Variants in PDIA5 observed in about 807,000 individuals in gnomAD.
The protein encoded by PDIA5 is protein disulfide isomerase family A member 5, also known as protein disulfide-isomerase A5.
In PDIA5, 58 loss-of-function variants were observed where a neutral mutation model predicts 77.6. The observed-to-expected ratio is 0.75, with a 90% CI of 0.61 to 0.93. The LOEUF is 0.93. PDIA5 is among the 40% of genes least tolerant of loss of function. PDIA5 has a pLI of 0.00. For synonymous variants in PDIA5, 250 were observed against 252.1 expected, an observed-to-expected ratio of 0.99 and a Z score of 0.08; for missense variants, 630 against 647.7, an observed-to-expected ratio of 0.97 and a Z score of 0.30.
intron 1 of PDIA5, among the ~76,000 whole-genome samples, chr3:123,068,131 C>CT (rs990179954): frequency 2.6e-5 from 4 of 152,146 alleles, no homozygotes; most frequent in African/African-American, 9.7e-5. Context: ...TTTTCCATAA[C>CT]TTATGCGCTC....
chr3:123,102,727 C>G (rs761014503), intron 4 of PDIA5, 24 bp from the exon 5 acceptor site: 1 of 1,579,132 alleles, frequency 6.3e-7, no homozygotes, highest in South Asian at 1.1e-5. Flanking sequence ...TTAAAGTTAA[C>G]ACATTTTTCT....
intron 15 of PDIA5, among the ~76,000 whole-genome samples, chr3:123,157,980 G>T (rs1355208554): frequency 6.6e-6 from 1 of 152,200 alleles, no homozygotes; most frequent in African/African-American, 2.4e-5. Flanking sequence ...GGCAGTGGGG[G>T]CCCCACCTCT....
chr3:123,084,053 T>A (rs1043768047), intron 1 of PDIA5, among the ~76,000 whole-genome samples: 10 of 152,042 alleles, frequency 6.6e-5, no homozygotes, highest in African/African-American at 2.4e-4. Context: ...GTGTCTTAGC[T>A]CTTTGGACCC....
chr3:123,095,504 C>A (rs1407925617), intron 3 of PDIA5, among the ~76,000 whole-genome samples: 1 of 152,122 alleles, frequency 6.6e-6, no homozygotes, highest in Non-Finnish European at 1.5e-5. Context: ...AATCCCAGCA[C>A]TTTGGGAAGC....
At chr3:123,087,956 A>T (rs996260179) in intron 1 of PDIA5, among the ~76,000 whole-genome samples, 7 of 152,168 alleles carry the variant, frequency 4.6e-5, no homozygotes, top group African/African-American at 1.7e-4. Context: ...GGGGAATAAG[A>T]CTGGCAGGTG....
chr3:123,114,248 C>T (rs527240635), intron 7 of PDIA5, among the ~76,000 whole-genome samples: 8 of 152,352 alleles, frequency 5.3e-5, no homozygotes, highest in African/African-American at 1.9e-4. Context: ...AGACTGAAGT[C>T]ACTGAGCGAA....
intron 1 of PDIA5, among the ~76,000 whole-genome samples, chr3:123,081,314 C>A (rs1381142086): frequency 6.6e-6 from 1 of 152,138 alleles, no homozygotes; most frequent in Non-Finnish European, 1.5e-5. Context: ...GGAGAGATGA[C>A]AACTAGTAAT....
chr3:123,082,744 G>C (rs1323308732), intron 1 of PDIA5, among the ~76,000 whole-genome samples: 1 of 152,172 alleles, frequency 6.6e-6, no homozygotes. Flanking sequence ...CATTATGTTA[G>C]ATTCTTTGTC....
intron 6 of PDIA5, among the ~76,000 whole-genome samples, chr3:123,107,281 A>C (rs1459544490): frequency 6.6e-6 from 1 of 152,156 alleles, no homozygotes; most frequent in African/African-American, 2.4e-5. Context: ...GGGTCATTCT[A>C]TAGCTTTCAA....
intron 10 of PDIA5, among the ~76,000 whole-genome samples, chr3:123,124,840 C>T (rs1935205474): frequency 1.3e-5 from 2 of 152,324 alleles, no homozygotes; most frequent in South Asian, 4.1e-4. Context: ...ATTTCAAACA[C>T]AGCACTGTCT....
At chr3:123,095,291 A>G (rs1276026958) in intron 3 of PDIA5, among the ~76,000 whole-genome samples, 1 of 152,186 alleles carries the variant, frequency 6.6e-6, no homozygotes, top group Non-Finnish European at 1.5e-5. Flanking sequence ...CATCTAGACA[A>G]GTTTGTTCAG....
At chr3:123,067,603 T>TA (rs950193594) in intron 1 of PDIA5, 4 of 211,342 alleles carry the variant, frequency 1.9e-5, no homozygotes, top group Admixed American at 1.8e-4. Flanking sequence ...TGGGGGTGCT[T>TA]ACTACCTGCA....
chr3:123,145,424 CT>C, intron 11 of PDIA5, 97 bp from the exon 12 acceptor site: 1 of 775,802 alleles, frequency 1.3e-6, no homozygotes, highest in Non-Finnish European at 2.2e-6. Context: ...TCTCAGGTGT[CT>C]GGGAATGGGA....
At chr3:123,134,251 G>C (rs990263164) in intron 11 of PDIA5, among the ~76,000 whole-genome samples, 7 of 152,046 alleles carry the variant, frequency 4.6e-5, no homozygotes. Context: ...CTGCTTTGTT[G>C]CTTCTATGCC....
intron 15 of PDIA5, among the ~76,000 whole-genome samples, chr3:123,159,145 G>A (rs577945682): frequency 6.6e-6 from 1 of 152,366 alleles, no homozygotes; most frequent in South Asian, 2.1e-4. Flanking sequence ...GCAGATGCAG[G>A]GAGAGCAGCA....
chr3:123,142,608 A>C (rs1560551359), intron 11 of PDIA5, among the ~76,000 whole-genome samples: 1 of 152,328 alleles, frequency 6.6e-6, no homozygotes, highest in African/African-American at 2.4e-5. Context: ...TACCACTTTG[A>C]TCATGATCTC....
chr3:123,068,229 C>G (rs1319614125), intron 1 of PDIA5, among the ~76,000 whole-genome samples: 1 of 152,174 alleles, frequency 6.6e-6, no homozygotes, highest in Non-Finnish European at 1.5e-5. Context: ...CCAGATTTTC[C>G]CGTTCTTTTC....
intron 1 of PDIA5, among the ~76,000 whole-genome samples, chr3:123,075,298 G>A (rs556959147): frequency 1.3e-5 from 2 of 152,266 alleles, no homozygotes; most frequent in South Asian, 4.1e-4. Context: ...GTTAATTTAG[G>A]GGTGCTGTTC....
intron 1 of PDIA5, among the ~76,000 whole-genome samples, chr3:123,082,319 G>A (rs960197213): frequency 6.6e-6 from 1 of 152,046 alleles, no homozygotes; most frequent in Admixed American, 6.5e-5. Context: ...GGAGTCGGGA[G>A]GCCCAAGTTC....
Sources: allele counts gnomAD v4.1 joint callset (sites outside exome capture counted in the v4.1 genomes callset), GRCh38; gene constraint gnomAD v4.1.1; transcripts MANE v1.5; gene names NCBI Gene and HGNC (gene_info 2026-07-23, HGNC 2026-07-21).